Variants in ENOX1 observed in about 807,000 individuals in gnomAD.
ENOX1 encodes candidate growth-related and time keeping constitutive hydroquinone (NADH) oxidase.
Under a neutral mutation model 82.5 loss-of-function variants are expected in ENOX1, and 42 were observed. That is an observed-to-expected ratio of 0.51 (90% confidence interval 0.40 to 0.66). The LOEUF (loss-of-function observed/expected upper bound fraction) is 0.66. Ranked by LOEUF, ENOX1 falls within the 30% of genes least tolerant of loss-of-function variation. The pLI is 0.00. For missense variants in ENOX1, 608 were observed against 811.6 expected (o/e 0.75, Z 3.05); for synonymous variants, 271 against 282.2 (o/e 0.96, Z 0.40).
At chr13:43,288,119 G>A (rs988694002) in intron 12 of ENOX1, among the ~76,000 whole-genome samples, 5 of 152,138 alleles carry the variant, frequency 3.3e-5, no homozygotes, top group South Asian at 2.1e-4. Context: ...ATTCTTGGCC[G>A]AGGAATGGAT....
At chr13:43,708,904 C>G (rs1242362719) in intron 1 of ENOX1, among the ~76,000 whole-genome samples, 1 of 152,064 alleles carries the variant, frequency 6.6e-6, no homozygotes, top group Non-Finnish European at 1.5e-5. Flanking sequence ...CAAAGGACAT[C>G]ATTAAGAAAA....
Position 43,412,067 on chromosome 13 carries a change from C to T in ENOX1, c.71-14G>A, listed in dbSNP as rs1566151973. 2 of 1,612,256 alleles carry T rather than the reference C, an allele frequency of 1.2e-6. No homozygotes were observed. ...AACCATCGGCTGCTGTGGGGAAAAA[C>T]AAACCATGATTTAGAGTCCATAGGC... On this transcript the variant is annotated splice_polypyrimidine_tract_variant and intron_variant, in intron 4 of 16. Transcript: ENST00000690772.
chr13:43,622,549 G>C (rs542834906), intron 2 of ENOX1, among the ~76,000 whole-genome samples: 18 of 152,280 alleles, frequency 1.2e-4, no homozygotes, highest in Admixed American at 6.5e-4. Context: ...AGTCTACCTG[G>C]CTCCAGGCTG....
rs1036653453 is a variant in ENOX1, at chr13:43,764,961, G to A, written c.-285+21691C>T. On this transcript the variant is annotated intron_variant, in intron 1 of 16. Coordinates refer to ENST00000690772, the MANE Select transcript of ENOX1 (RefSeq NM_001347969.2). ...ATGAGGTAAGAGTGCTTGCAACTTGGGGTTGATTAAAATGACATTTGCTTC... is the reference window on the plus strand; with the variant it reads ...ATGAGGTAAGAGTGCTTGCAACTTGAGGTTGATTAAAATGACATTTGCTTC... 5.9e-5 allele frequency among the ~76,000 whole-genome samples: 9 copies of A among 152,246 alleles called. No individual in the cohort carries two copies. In the East Asian group the frequency reaches 1.5e-3, roughly 26 times the overall value.
intron 2 of ENOX1, among the ~76,000 whole-genome samples, chr13:43,646,368 C>T (rs2083894808): frequency 6.6e-6 from 1 of 152,218 alleles, no homozygotes; most frequent in South Asian, 2.1e-4. Context: ...TGTTGGCTAA[C>T]TCCAAGGTAA....
intron 15 of ENOX1, among the ~76,000 whole-genome samples, chr13:43,231,946 ACAGGGTCTCACTCTATCACC>A (rs1237548769): frequency 6.6e-6 from 1 of 151,948 alleles, no homozygotes; most frequent in Non-Finnish European, 1.5e-5. Flanking sequence ...TTCTTTTTTG[ACAGGGTCTCACTCTATCACC>A]CAGGCAGTTG....
chr13:43,687,022 T>C (rs1287932151), intron 1 of ENOX1, among the ~76,000 whole-genome samples: 4 of 152,198 alleles, frequency 2.6e-5, no homozygotes, highest in South Asian at 2.1e-4. Context: ...TCCATTTTCA[T>C]GTTGCCAGAA....
chr13:43,545,474 TAGGATGGGGA>T (rs1207313884), intron 2 of ENOX1: 1 of 152,200 alleles, frequency 6.6e-6, no homozygotes, highest in Non-Finnish European at 1.5e-5. Context: ...GAGGCAGTGT[TAGGATGGGGA>T]GGGATGGACC....
At chr13:43,334,220 A>T (rs568589886) in intron 9 of ENOX1, among the ~76,000 whole-genome samples, 1 of 152,368 alleles carries the variant, frequency 6.6e-6, no homozygotes, top group South Asian at 2.1e-4. Context: ...AGGTGCTAGT[A>T]TGAATGCCCA....
At chr13:43,255,170 A>G (rs541842743) in intron 14 of ENOX1, among the ~76,000 whole-genome samples, 3 of 152,218 alleles carry the variant, frequency 2.0e-5, no homozygotes, top group Non-Finnish European at 4.4e-5. Flanking sequence ...GGTACATCAC[A>G]TTAACAGAAC....
chr13:43,657,952 G>A lies in ENOX1; in HGVS notation c.-219+9527C>T, dbSNP rs906202233. Among the ~76,000 whole-genome samples the A allele has an allele frequency of 9.9e-5, 15 of 152,166 alleles. 1 individual carries two copies. The highest frequency in any genetic ancestry group is 3.8e-4 in the East Asian group (2 of 5,198). ...AAAGAAAAAAGCTAAAACTATTAAT[G>A]TTTTTAAAGATAACTTTAACTTTTA... On this transcript the variant is annotated intron_variant, in intron 2 of 16. Transcript: ENST00000690772.
intron 2 of ENOX1, among the ~76,000 whole-genome samples, chr13:43,539,296 A>G (rs768082624): frequency 6.6e-6 from 1 of 152,172 alleles, no homozygotes; most frequent in Non-Finnish European, 1.5e-5. Flanking sequence ...TCCTTTGAAC[A>G]TATGCACTTA....
intron 2 of ENOX1, among the ~76,000 whole-genome samples, chr13:43,536,415 A>G (rs909225133): frequency 6.6e-6 from 1 of 152,210 alleles, no homozygotes; most frequent in Admixed American, 6.5e-5. Context: ...AAAGTTTACA[A>G]TATTTGCTTT....
chr13:43,309,686 A>G (rs9316011), intron 11 of ENOX1, among the ~76,000 whole-genome samples: 145,143 of 152,236 alleles, frequency 0.95, 69,607 homozygotes, highest in East Asian at 1. Context: ...TTGGGCAGGG[A>G]AAATGCATGT....
rs188797041 is a variant in ENOX1 at position 43,758,324 on chromosome 13, C to T, written c.-285+28328G>A. The stretch of plus-strand genomic sequence containing the variant: ...AAATGGAACAAATTATAAATACACA[C>T]AATAACTTAGATAAATCTCCAGGTA... On this transcript the variant is annotated intron_variant, in intron 1 of 16. Coordinates refer to ENST00000690772, the MANE Select transcript of ENOX1 (RefSeq NM_001347969.2). Among the ~76,000 whole-genome samples, 418 of 152,068 alleles carry T rather than the reference C, an allele frequency of 2.7e-3. 4 individuals carry two copies. Among genetic ancestry groups the T allele is most frequent in the Non-Finnish European group, 1.8e-3 (123 of 67,968 alleles).
At chr13:43,351,198 G>A (rs375120404) in intron 8 of ENOX1, among the ~76,000 whole-genome samples, 1 of 152,268 alleles carries the variant, frequency 6.6e-6, no homozygotes, top group Admixed American at 6.5e-5. Context: ...TTTCCTGGCT[G>A]CTCAATTAAC....
intron 2 of ENOX1, among the ~76,000 whole-genome samples, chr13:43,485,065 C>T (rs1195261542): frequency 2.6e-5 from 4 of 152,236 alleles, no homozygotes; most frequent in Non-Finnish European, 4.4e-5. Context: ...GCATCAGGAA[C>T]TGAGCCCACA....
intron 14 of ENOX1, among the ~76,000 whole-genome samples, chr13:43,264,941 GAGA>G (rs1220399317): frequency 6.6e-6 from 1 of 152,222 alleles, no homozygotes; most frequent in Non-Finnish European, 1.5e-5. Flanking sequence ...GTGAGGAACA[GAGA>G]AGGAGTACAT....
intron 12 of ENOX1, among the ~76,000 whole-genome samples, chr13:43,273,172 T>C (rs920883): frequency 0.98 from 148,560 of 152,276 alleles, 72,592 homozygotes; most frequent in East Asian, 1. Flanking sequence ...TAAACGTCTT[T>C]CCCTGGTAAC....
Sources: gnomAD v4.1 joint callset for allele counts (sites outside exome capture counted in the v4.1 genomes callset) on GRCh38, gnomAD v4.1.1 for gene constraint, MANE v1.5 for transcripts, NCBI Gene and HGNC (gene_info 2026-07-23, HGNC 2026-07-21) for gene names.